Variants in AKAP13 observed in about 807,000 individuals in gnomAD.
The protein encoded by AKAP13 is A-kinase anchor protein 13.
Under a neutral mutation model 264.5 loss-of-function variants are expected in AKAP13, and 80 were observed. The ratio of observed to expected loss-of-function variants is 0.30; its 90% CI spans 0.25 to 0.36. The LOEUF is 0.36. Among genes scored for constraint, AKAP13 ranks in the 10% least tolerant of loss-of-function variants. The pLI is 1.00. For missense variants in AKAP13, 3,712 were observed against 3,435.2 expected (o/e 1.08, Z -2.01); for synonymous variants, 1,380 against 1,250.2 (o/e 1.10, Z -2.19).
intron 1 of AKAP13, among the ~76,000 whole-genome samples, chr15:85,477,309 G>A (rs2075198579): frequency 6.6e-6 from 1 of 151,788 alleles, no homozygotes. Context: ...AGGCACATTG[G>A]CAGTGAGTCC....
intron 1 of AKAP13, among the ~76,000 whole-genome samples, chr15:85,431,830 C>T (rs1319683710): frequency 6.6e-6 from 1 of 152,166 alleles, no homozygotes; most frequent in African/African-American, 2.4e-5. Flanking sequence ...GATTCTTTAG[C>T]AGATCAACTC....
intron 16 of AKAP13, chr15:85,689,971 C>G (rs2085185906): frequency 6.6e-6 from 1 of 152,246 alleles, no homozygotes. Flanking sequence ...TGAGCTCTGC[C>G]CTGACGGCAT....
intron 1 of AKAP13, among the ~76,000 whole-genome samples, chr15:85,414,237 G>A (rs2072125655): frequency 6.6e-6 from 1 of 151,988 alleles, no homozygotes; most frequent in Non-Finnish European, 1.5e-5. Context: ...AGGCTTTGAC[G>A]GGGCAAATTT....
intron 6 of AKAP13, among the ~76,000 whole-genome samples, chr15:85,577,416 A>G (rs1053192370): frequency 6.6e-6 from 1 of 152,256 alleles, no homozygotes; most frequent in Non-Finnish European, 1.5e-5. Flanking sequence ...TTTGATATAA[A>G]GGTAAAATCA....
intron 8 of AKAP13, among the ~76,000 whole-genome samples, chr15:85,601,750 G>A (rs930876064): frequency 6.6e-6 from 1 of 151,600 alleles, no homozygotes; most frequent in African/African-American, 2.4e-5. Context: ...GCCCCAAAGA[G>A]CTTTTGTTTA....
rs1436260653 is a variant in AKAP13 at position 85,744,867 on chromosome 15, G to C, written c.*190G>C. On this transcript the variant is annotated 3_prime_UTR_variant, in exon 37 of 37. Coordinates refer to ENST00000394518, the MANE Select transcript of AKAP13 (RefSeq NM_007200.5). Reference sequence around the variant, plus strand: ...AGTGTCGGGTGGGGAAGGAGGCCCAGACTCTGCTTCGGCCATGATTTGTGA... The same window carrying C: ...AGTGTCGGGTGGGGAAGGAGGCCCACACTCTGCTTCGGCCATGATTTGTGA... 1.3e-5 allele frequency: 7 copies of C among 531,678 alleles called. No individual in the cohort carries two copies. The highest frequency in any genetic ancestry group is 3.3e-5 in the East Asian group (1 of 29,872). The allele number at this position is 531,678 out of a possible 1,614,324, so 32.9% of individuals were successfully genotyped here. A position where few individuals can be genotyped will look rare whatever the true frequency, so the allele number is the denominator to read the frequency against.
At chr15:85,505,905 A>G (rs1185194677) in intron 2 of AKAP13, among the ~76,000 whole-genome samples, 1 of 152,214 alleles carries the variant, frequency 6.6e-6, no homozygotes, top group African/African-American at 2.4e-5. Context: ...CTTAAGGGCA[A>G]CTGAGCTAAA....
intron 30 of AKAP13, among the ~76,000 whole-genome samples, chr15:85,732,647 A>G (rs1308425455): frequency 6.7e-6 from 1 of 150,360 alleles, no homozygotes; most frequent in Admixed American, 6.7e-5. Context: ...TCACATTGCA[A>G]ATCCTTGTTC....
At chr15:85,720,846 C>A (rs2087240941) in intron 23 of AKAP13, among the ~76,000 whole-genome samples, 1 of 152,166 alleles carries the variant, frequency 6.6e-6, no homozygotes, top group South Asian at 2.1e-4. Flanking sequence ...GGTAGAACTA[C>A]AAAGGGGGAT....
chr15:85,558,716 T>C (rs1018294790), intron 5 of AKAP13, among the ~76,000 whole-genome samples: 1 of 152,220 alleles, frequency 6.6e-6, no homozygotes, highest in Non-Finnish European at 1.5e-5. Flanking sequence ...TGGGTTCATA[T>C]TTAGTTCTTA....
intron 36 of AKAP13, chr15:85,744,124 C>G: frequency 2.5e-6 from 1 of 400,052 alleles, no homozygotes; most frequent in South Asian, 3.3e-5. Flanking sequence ...CCTTGCCTTT[C>G]TGGGCCTAGA....
chr15:85,605,682 T>C (rs1477585804), intron 8 of AKAP13, among the ~76,000 whole-genome samples: 1 of 152,176 alleles, frequency 6.6e-6, no homozygotes, highest in African/African-American at 2.4e-5. Context: ...TAAATAATTG[T>C]GAACAAATAA....
At chr15:85,386,148 G>T (rs975115595) in intron 1 of AKAP13, among the ~76,000 whole-genome samples, 2 of 151,886 alleles carry the variant, frequency 1.3e-5, no homozygotes, top group African/African-American at 4.8e-5. Flanking sequence ...AATGTCTTTT[G>T]AAGAGCAGAA....
chr15:85,620,008 G>A (rs2081106454), intron 8 of AKAP13: 1 of 1,516,404 alleles, frequency 6.6e-7, no homozygotes, highest in South Asian at 1.2e-5. Context: ...TGAGAAATTT[G>A]GAACTAAGGA....
intron 8 of AKAP13, chr15:85,619,303 G>T (rs1206901851): frequency 3.2e-6 from 3 of 945,098 alleles, no homozygotes; most frequent in African/African-American, 1.8e-5. Context: ...AAGCAGTGAC[G>T]TTCTTGAGAG....
intron 1 of AKAP13, among the ~76,000 whole-genome samples, chr15:85,426,731 A>C (rs1596130835): frequency 6.6e-6 from 1 of 152,270 alleles, no homozygotes; most frequent in East Asian, 1.9e-4. Flanking sequence ...GTACAGAGAG[A>C]TTCTAGCCAC....
intron 1 of AKAP13, among the ~76,000 whole-genome samples, chr15:85,423,153 A>C (rs2072601769): frequency 6.6e-6 from 1 of 152,218 alleles, no homozygotes; most frequent in Non-Finnish European, 1.5e-5. Flanking sequence ...CTAACTGATC[A>C]GGTGGTGGTT....
chr15:85,594,150 C>T (rs760127731), intron 8 of AKAP13, among the ~76,000 whole-genome samples: 7 of 152,180 alleles, frequency 4.6e-5, no homozygotes, highest in Non-Finnish European at 8.8e-5. Flanking sequence ...TTGGAAGAAG[C>T]TATCAGTTAT....
rs183460507 is a variant in AKAP13, at chr15:85,593,166, G to A, written c.4161+7343G>A. On this transcript the variant is annotated intron_variant, in intron 8 of 36. Transcript: ENST00000394518. ...CTCTACTAAAAATGCAAAAAAATTA[G>A]CAGGGCGTGGTGGTGCGCCCCTGTA... is the stretch of plus-strand genomic sequence containing the variant. Among the ~76,000 whole-genome samples the A allele has an allele frequency of 6.6e-5, 10 of 152,206 alleles. No individual in the cohort carries two copies. The East Asian group carries it at 1.9e-3, about 29-fold the overall frequency.
Sources: gnomAD v4.1 joint callset for allele counts (sites outside exome capture counted in the v4.1 genomes callset) on GRCh38, gnomAD v4.1.1 for gene constraint, MANE v1.5 for transcripts, NCBI Gene and HGNC (gene_info 2026-07-23, HGNC 2026-07-21) for gene names.